Variants in STRIP2 observed in about 807,000 individuals in gnomAD.
The protein encoded by STRIP2 is striatin interacting protein 2.
A neutral mutation model predicts 107.1 loss-of-function variants in STRIP2; 84 were observed. The observed-to-expected ratio is 0.78, with a 90% CI of 0.66 to 0.94. The LOEUF (loss-of-function observed/expected upper bound fraction) is 0.94, where lower values mean the gene tolerates loss of function less well. STRIP2 is among the 40% of genes least tolerant of loss of function. The probability of loss-of-function intolerance (pLI) is 0.00; values close to 1 mark genes in which losing one functional copy is unlikely to be tolerated. For synonymous variants in STRIP2, 394 were observed against 400.4 expected, an observed-to-expected ratio of 0.98 and a Z score of 0.19; for missense variants, 888 against 1,034.2, an observed-to-expected ratio of 0.86 and a Z score of 1.94.
rs200028797 is a variant in STRIP2 at position 129,472,649 on chromosome 7, AC to A, written c.1944+1935del. 7.7e-3 allele frequency among the ~76,000 whole-genome samples: 1,177 copies of A among 152,158 alleles called. 10 individuals are homozygous for A. Among genetic ancestry groups the A allele is most frequent in the African/African-American group, 0.026 (1,095 of 41,496 alleles). ...TCAGTATGGTTTATCTAAACTGGTG[AC>A]TTCTGTGCTCAGAAAAACACTAATG... On this transcript the variant is annotated intron_variant, in intron 18 of 20. Coordinates refer to ENST00000249344, the MANE Select transcript of STRIP2 (RefSeq NM_020704.3).
intron 18 of STRIP2, among the ~76,000 whole-genome samples, chr7:129,477,093 C>G (rs1227199150): frequency 6.6e-6 from 1 of 151,138 alleles, no homozygotes; most frequent in African/African-American, 2.4e-5. Context: ...GAGAATCAGG[C>G]AGGGAGGTTG....
In STRIP2 at chr7:129,434,689, G is replaced by A. The variant is rs1797683328; in HGVS notation, c.129+88G>A. On this transcript the variant is annotated intron_variant, in intron 1 of 20. Transcript: ENST00000249344. ...GAGGTGATTCGGCCTCGGCCCCGGA[G>A]CCCTCGGCGCGCTCGATCAGCCCCG... The A allele has an allele frequency of 5.4e-5, 73 of 1,357,654 alleles. No individual in the cohort carries two copies. In the South Asian group the frequency reaches 1.1e-3, roughly 21 times the overall value. 84.1% of individuals were successfully genotyped at this position (1,357,654 alleles called of 1,614,324 possible). A position where few individuals can be genotyped will look rare whatever the true frequency, so the allele number is the denominator to read the frequency against.
intron 1 of STRIP2, among the ~76,000 whole-genome samples, chr7:129,437,114 G>A (rs1006205081): frequency 6.6e-6 from 1 of 152,042 alleles, no homozygotes; most frequent in Non-Finnish European, 1.5e-5. Context: ...GCTATAGGGG[G>A]CAACCTGTTA....
At chr7:129,436,629 A>G (rs1029086850) in intron 1 of STRIP2, among the ~76,000 whole-genome samples, 3 of 152,196 alleles carry the variant, frequency 2.0e-5, no homozygotes, top group African/African-American at 7.2e-5. Flanking sequence ...TACATCCCCT[A>G]TTACCACAGT....
intron 19 of STRIP2, among the ~76,000 whole-genome samples, chr7:129,482,103 G>A (rs1799132918): frequency 6.6e-6 from 1 of 151,986 alleles, no homozygotes; most frequent in Non-Finnish European, 1.5e-5. Context: ...AGTGAATCGA[G>A]ACTGCACCAC....
At chr7:129,442,653 CT>C (rs1797931776) in intron 2 of STRIP2, among the ~76,000 whole-genome samples, 1 of 152,116 alleles carries the variant, frequency 6.6e-6, no homozygotes, top group Non-Finnish European at 1.5e-5. Flanking sequence ...GTTTTTGGTG[CT>C]TTAATCTTAA....
chr7:129,466,765 C>A (rs755758651), intron 16 of STRIP2, among the ~76,000 whole-genome samples: 1 of 152,172 alleles, frequency 6.6e-6, no homozygotes, highest in Non-Finnish European at 1.5e-5. Flanking sequence ...CTTGTTCATT[C>A]ATTTATTAAA....
intron 6 of STRIP2, 103 bp downstream of exon 6, chr7:129,454,313 G>A (rs1374704917): frequency 6.8e-7 from 1 of 1,469,014 alleles, no homozygotes; most frequent in African/African-American, 1.4e-5. Flanking sequence ...AAGTTGCCCT[G>A]TAGCTAATCT....
At chr7:129,437,294 A>G (rs1270106427) in intron 1 of STRIP2, among the ~76,000 whole-genome samples, 4 of 152,124 alleles carry the variant, frequency 2.6e-5, no homozygotes, top group African/African-American at 9.7e-5. Flanking sequence ...AAAATAAAAA[A>G]GATTTAGCCA....
intron 18 of STRIP2, chr7:129,477,996 T>G (rs944784538): frequency 1.0e-5 from 5 of 499,364 alleles, no homozygotes; most frequent in African/African-American, 9.9e-5. Context: ...ATGAATCTTG[T>G]GATAGATAAG....
rs150375291 is a variant in STRIP2 at position 129,462,965 on chromosome 7, G to A, written c.1477-1G>A. 11 of 1,613,580 alleles carry A rather than the reference G, an allele frequency of 6.8e-6. No homozygotes were observed. Among genetic ancestry groups the A allele is most frequent in the Admixed American group, 1.7e-5 (1 of 59,940 alleles). On this transcript the variant is annotated splice_acceptor_variant, in intron 13 of 20. Transcript: ENST00000249344. LOFTEE classifies it high-confidence loss of function. ...GCCAAACCATGTATTTCTTGCCATA[G>A]GGGGAAGAGGTGGTACCAGAGACGC...
Position 129,467,305 on chromosome 7 carries a change from TCTC to T in STRIP2, c.1777-40_1777-38del, listed in dbSNP as rs767583118. 7.5e-4 allele frequency: 1,034 copies of T among 1,385,030 alleles called. 4 individuals carry two copies. The highest frequency in any genetic ancestry group is 3.6e-3 in the Middle Eastern group (20 of 5,508). The allele number at this position is 1,385,030 out of a possible 1,614,324, so 85.8% of individuals were successfully genotyped here. A position where few individuals can be genotyped will look rare whatever the true frequency, so the allele number is the denominator to read the frequency against. On this transcript the variant is annotated intron_variant, in intron 16 of 20. Coordinates refer to ENST00000249344, the MANE Select transcript of STRIP2 (RefSeq NM_020704.3). ...TCTTTTTTTCAAACATACTTTCCAT[TCTC>T]CTCCAAATAAGCAGCCCTTTCTGCT...
At chr7:129,463,817 A>G (rs1175746162) in intron 14 of STRIP2, among the ~76,000 whole-genome samples, 1 of 152,210 alleles carries the variant, frequency 6.6e-6, no homozygotes, top group Non-Finnish European at 1.5e-5. Flanking sequence ...GTCTTGAAGC[A>G]TAACAGCCAA....
chr7:129,483,475 T>A lies in STRIP2; in HGVS notation c.2254+429T>A, dbSNP rs1260534805. On this transcript the variant is annotated intron_variant, in intron 20 of 20. Transcript: ENST00000249344. The surrounding 1 kb of genome is among the most constrained non-coding windows in gnomAD (Gnocchi z 5.1). ...AATTGCCACCATTAACATCTTATTGTATATTCCTCCAGATCTTTTTCTATG... is the reference window on the plus strand; with the variant it reads ...AATTGCCACCATTAACATCTTATTGAATATTCCTCCAGATCTTTTTCTATG... 1 of 320,112 alleles carries A rather than the reference T, an allele frequency of 3.1e-6. No individual in the cohort carries two copies. The highest frequency in any genetic ancestry group is 2.2e-5 in the African/African-American group (1 of 44,494). The allele number at this position is 320,112 out of a possible 1,614,324, so 19.8% of individuals were successfully genotyped here.
At chr7:129,477,213 G>GAGGGA (rs1554384106) in intron 18 of STRIP2, among the ~76,000 whole-genome samples, 332 of 29,104 alleles carry the variant, frequency 0.011, 40 homozygotes, top group South Asian at 0.062. Context: ...AGGGGGAGGG[G>GAGGGA]GAGGGAGACT....
Position 129,451,618 on chromosome 7 carries a change from G to A in STRIP2, c.280G>A (p.Gly94Ser), listed in dbSNP as rs1257721055. The change falls in exon 4 of 21, where the codon GGC (glycine) becomes AGC (serine). Residue 94 changes from glycine to serine, a missense_variant. Transcript: ENST00000249344. ...FEEDFKTQVQ[G>S]KEWLELEEDA... ...ATATGGCCTTTTATTCCCAGTGCAG[G>A]GCAAGGAATGGCTGGAGTTGGAAGA... is the stretch of plus-strand genomic sequence containing the variant. The A allele has an allele frequency of 6.2e-7, 1 of 1,614,146 alleles. No homozygotes were observed. Among genetic ancestry groups the A allele is most frequent in the African/African-American group, 1.3e-5 (1 of 75,042 alleles).
chr7:129,442,314 TAAA>T (rs1487060689), intron 2 of STRIP2, among the ~76,000 whole-genome samples: 2 of 152,172 alleles, frequency 1.3e-5, no homozygotes, highest in Non-Finnish European at 2.9e-5. Context: ...ACTGCTTGGA[TAAA>T]AAAGTTTTTA....
chr7:129,486,885 G>A lies in STRIP2; in HGVS notation c.*1056G>A, dbSNP rs530556558. 1.3e-5 allele frequency: 2 copies of A among 151,218 alleles called. No homozygotes were observed. Among genetic ancestry groups the A allele is most frequent in the East Asian group, 3.9e-4 (2 of 5,146 alleles). The allele number at this position is 151,218 out of a possible 1,614,324, so 9.4% of individuals were successfully genotyped here. On this transcript the variant is annotated 3_prime_UTR_variant, in exon 21 of 21. Transcript: ENST00000249344. ...AAGTATTGCACATTTCATTGAAAATGTGAGAGTTGATATACCAGCCTCTTT... is the reference window on the plus strand; with the variant it reads ...AAGTATTGCACATTTCATTGAAAATATGAGAGTTGATATACCAGCCTCTTT...
chr7:129,464,155 C>T lies in STRIP2; in HGVS notation c.1649+14C>T, dbSNP rs531054217. 60 of 1,589,176 alleles carry T rather than the reference C, an allele frequency of 3.8e-5. No individual in the cohort carries two copies. The highest frequency in any genetic ancestry group is 4.5e-5 in the Non-Finnish European group (52 of 1,161,654). ...TGAGGAGATGCCGTGAGTGCTTCAA[C>T]GGGGGCAGCTGCTGGATACTAGCTG... On this transcript the variant is annotated intron_variant, in intron 15 of 20. Coordinates refer to ENST00000249344, the MANE Select transcript of STRIP2 (RefSeq NM_020704.3).
Sources: gnomAD v4.1 joint callset for allele counts (sites outside exome capture counted in the v4.1 genomes callset) on GRCh38, gnomAD v4.1.1 for gene constraint, Gnocchi (gnomAD v3.1) non-coding constraint, MANE v1.5 for transcripts, NCBI Gene and HGNC (gene_info 2026-07-23, HGNC 2026-07-21) for gene names.